Variants in TEX26 observed in about 807,000 individuals in gnomAD.
TEX26 encodes testis-expressed protein 26.
A neutral mutation model predicts 35.3 loss-of-function variants in TEX26; 34 were observed. That is an observed-to-expected ratio of 0.96 (90% CI 0.73 to 1.28). The LOEUF (loss-of-function observed/expected upper bound fraction) is 1.28. Ranked by LOEUF, TEX26 falls within the 50% of genes most tolerant of loss-of-function variation. The pLI, the probability that TEX26 is intolerant of heterozygous loss-of-function variation, is 0.00. For synonymous variants in TEX26, 136 were observed against 111.8 expected, an observed-to-expected ratio of 1.22 and a Z score of -1.36; for missense variants, 371 against 330.1, an observed-to-expected ratio of 1.12 and a Z score of -0.96.
chr13:30,954,873 C>T (rs182298765), intron 3 of TEX26, among the ~76,000 whole-genome samples: 27 of 152,292 alleles, frequency 1.8e-4, no homozygotes, highest in Admixed American at 1.6e-3. Context: ...ATTTTCCCTT[C>T]CTCTAAGTAC....
intron 6 of TEX26, among the ~76,000 whole-genome samples, chr13:30,970,858 C>A (rs1266194391): frequency 6.6e-6 from 1 of 152,224 alleles, no homozygotes; most frequent in Non-Finnish European, 1.5e-5. Context: ...GTAAGCTGAT[C>A]TTTCAGGTAA....
chr13:30,939,035 C>T (rs1382052116), intron 1 of TEX26, among the ~76,000 whole-genome samples: 2 of 152,238 alleles, frequency 1.3e-5, no homozygotes, highest in African/African-American at 4.8e-5. Context: ...AGTTTTCTAT[C>T]ACACACTGTT....
rs1250997685 is a variant in TEX26, at chr13:30,966,381, T to C, written c.629T>C (p.Val210Ala). ...TATGGATGCTACTCAAGCTTGCCTG[T>C]TGCTTCTCAGGGTCTAGGTGAGTAC... ...FKYGCYSSLP[V>A]ASQGLVPSVL... The change falls in exon 5 of 7, where the codon GTT becomes GCT. Residue 210 changes from valine to alanine, a missense_variant. Transcript: ENST00000380473. 1.2e-6 allele frequency: 2 copies of C among 1,613,642 alleles called. No individual in the cohort carries two copies. Among genetic ancestry groups the C allele is most frequent in the African/African-American group, 1.3e-5 (1 of 74,996 alleles).
At chr13:30,954,114 TTAA>T (rs1954032889) in intron 3 of TEX26, among the ~76,000 whole-genome samples, 1 of 152,030 alleles carries the variant, frequency 6.6e-6, no homozygotes. Flanking sequence ...AACAGGCAGT[TTAA>T]TAGACAGGTC....
At chr13:30,964,552 G>A (rs569359679) in intron 4 of TEX26, among the ~76,000 whole-genome samples, 2 of 152,344 alleles carry the variant, frequency 1.3e-5, no homozygotes, top group South Asian at 2.1e-4. Context: ...AAAGCATCAA[G>A]TATTTCAGTG....
chr13:30,934,096 C>A (rs1953176532), intron 1 of TEX26, among the ~76,000 whole-genome samples: 1 of 152,240 alleles, frequency 6.6e-6, no homozygotes, highest in East Asian at 1.9e-4. Context: ...CCTCCTCAAA[C>A]CTTCCAGACT....
intron 4 of TEX26, among the ~76,000 whole-genome samples, chr13:30,962,384 A>T (rs1026768436): frequency 4.6e-5 from 7 of 152,034 alleles, no homozygotes; most frequent in Non-Finnish European, 7.4e-5. Context: ...GCATACCTCC[A>T]TGCCTCGTGG....
rs2138277817 is a variant in TEX26 at position 30,957,019 on chromosome 13, C to T, written c.459C>T (p.Asp153=). 9 of 1,614,086 alleles carry T rather than the reference C, an allele frequency of 5.6e-6. No homozygotes were observed. The highest frequency in any genetic ancestry group is 7.6e-6 in the Non-Finnish European group (9 of 1,180,006). Residue 153 remains aspartate, a synonymous_variant, in exon 4 of 7, where the codon GAC becomes GAT. Transcript: ENST00000380473. ...FISLTKRDFV[D]RSKAQKIKKS... ...CCCTTACTAAGAGAGACTTTGTGGA[C>T]AGATCAAAAGGTAAACACTTTTGTT...
chr13:30,966,709 G>T (rs1477881736), intron 5 of TEX26, among the ~76,000 whole-genome samples: 4 of 152,084 alleles, frequency 2.6e-5, no homozygotes, highest in African/African-American at 9.7e-5. Context: ...AAAGTGCTAG[G>T]GTTACAGGCT....
At chr13:30,941,560 G>A (rs1422412460) in intron 2 of TEX26, among the ~76,000 whole-genome samples, 2 of 152,114 alleles carry the variant, frequency 1.3e-5, no homozygotes, top group South Asian at 2.1e-4. Flanking sequence ...ATTGCATAAT[G>A]GTGAGATCTG....
At chr13:30,963,758 C>T (rs966113493) in intron 4 of TEX26, among the ~76,000 whole-genome samples, 4 of 152,190 alleles carry the variant, frequency 2.6e-5, no homozygotes, top group Admixed American at 6.5e-5. Context: ...ATTCTGATGT[C>T]TTATTTCCAT....
rs2225505 is a variant in TEX26, at chr13:30,939,794, T to A, written c.146+16T>A. 573,884 of 1,603,108 alleles carry A rather than the reference T, an allele frequency of 0.36. 104,324 individuals are homozygous for A. Among genetic ancestry groups the A allele is most frequent in the African/African-American group, 0.45 (33,824 of 74,674 alleles). ...CCTTAATTCGGTAGATCATTATTTG[T>A]GTTGGATTGATATACATGTTTTAAT... On this transcript the variant is annotated intron_variant, in intron 2 of 6. Transcript: ENST00000380473.
chr13:30,961,813 T>C (rs919690899), intron 4 of TEX26, among the ~76,000 whole-genome samples: 1 of 152,248 alleles, frequency 6.6e-6, no homozygotes, highest in African/African-American at 2.4e-5. Flanking sequence ...CTCAGACCAC[T>C]GTTCTTGCAT....
At chr13:30,948,531 A>G (rs1025576794) in intron 2 of TEX26, among the ~76,000 whole-genome samples, 4 of 152,264 alleles carry the variant, frequency 2.6e-5, no homozygotes, top group African/African-American at 9.6e-5. Context: ...GGTCGCATAA[A>G]TCTCTTCTTT....
At chr13:30,957,975 G>A (rs916973476) in intron 4 of TEX26, among the ~76,000 whole-genome samples, 1 of 152,142 alleles carries the variant, frequency 6.6e-6, no homozygotes, top group Non-Finnish European at 1.5e-5. Flanking sequence ...GATGAAGTGA[G>A]GGCCATTTTA....
chr13:30,962,672 C>T (rs745874473), intron 4 of TEX26, among the ~76,000 whole-genome samples: 12 of 152,182 alleles, frequency 7.9e-5, no homozygotes, highest in Admixed American at 3.9e-4. Context: ...TTAAGGTAAA[C>T]GACTGAGGAG....
At chr13:30,941,365 C>CA (rs1434086280) in intron 2 of TEX26, among the ~76,000 whole-genome samples, 3 of 152,156 alleles carry the variant, frequency 2.0e-5, no homozygotes, top group Admixed American at 2.0e-4. Context: ...ATAACTGTAA[C>CA]AGTAGCCTGA....
intron 2 of TEX26, 71 bp from the exon 3 acceptor site, chr13:30,952,589 T>C: frequency 7.8e-7 from 1 of 1,274,908 alleles, no homozygotes; most frequent in South Asian, 1.6e-5. Flanking sequence ...AGTAAAATGA[T>C]TTGACATGTG....
At chr13:30,951,363 A>G (rs1338419521) in intron 2 of TEX26, among the ~76,000 whole-genome samples, 1 of 151,964 alleles carries the variant, frequency 6.6e-6, no homozygotes, top group African/African-American at 2.4e-5. Context: ...CTCAAAAAAA[A>G]AAAAAAAAGC....
Sources: allele counts gnomAD v4.1 joint callset (sites outside exome capture counted in the v4.1 genomes callset), GRCh38; gene constraint gnomAD v4.1.1; transcripts MANE v1.5; gene names NCBI Gene and HGNC (gene_info 2026-07-23, HGNC 2026-07-21).